PTPRJ: variants seen among roughly 807,000 people sequenced by gnomAD.
The protein encoded by PTPRJ is receptor-type tyrosine-protein phosphatase eta.
Under a neutral mutation model 141.3 loss-of-function variants are expected in PTPRJ, and 129 were observed. That is an observed-to-expected ratio of 0.91 (90% CI 0.79 to 1.06). The LOEUF is 1.06. Among genes scored for constraint, PTPRJ ranks in the 50% least tolerant of loss-of-function variants. The probability of loss-of-function intolerance (pLI) is 0.00; values close to 1 mark genes in which losing one functional copy is unlikely to be tolerated. For synonymous variants in PTPRJ, 610 were observed against 640.5 expected (o/e 0.95, Z 0.72); for missense variants, 1,601 against 1,679.7 (o/e 0.95, Z 0.82).
intron 1 of PTPRJ, among the ~76,000 whole-genome samples, chr11:47,991,176 C>T (rs548738129): frequency 9.9e-5 from 15 of 152,160 alleles, no homozygotes; most frequent in African/African-American, 3.4e-4. Context: ...TTTTGACAAA[C>T]GTGCATAGTT....
chr11:47,981,157 C>A, intron 1 of PTPRJ, 149 bp downstream of exon 1: 7 of 821,494 alleles, frequency 8.5e-6, no homozygotes, highest in Middle Eastern at 4.6e-4. Flanking sequence ...CTTGCGGGGA[C>A]CCCGGCCGGC....
intron 1 of PTPRJ, among the ~76,000 whole-genome samples, chr11:48,026,532 A>C (rs147320338): frequency 5.4e-4 from 80 of 148,206 alleles, no homozygotes; most frequent in Middle Eastern, 3.5e-3. Context: ...CCCAGGCTGG[A>C]GTGCAATGGT....
In PTPRJ at chr11:48,040,609, C is replaced by CTTTTTT. The variant is rs371103069; in HGVS notation, c.96+59603_96+59604insTTTTTT. On this transcript the variant is annotated intron_variant, in intron 1 of 24. Transcript: ENST00000418331. ...TCTTACTTTCTTTCTTCTTCTTCTT[C>CTTTTTT]TTCTTTTTTTTTTTTTTTTGAGACG... Among the ~76,000 whole-genome samples, 44 of 146,064 alleles carry CTTTTTT rather than the reference C, an allele frequency of 3.0e-4. 1 individual carries two copies. Among genetic ancestry groups the CTTTTTT allele is most frequent in the African/African-American group, 1.2e-3 (44 of 36,898 alleles).
At chr11:48,089,738 A>G (rs1855818047) in intron 1 of PTPRJ, among the ~76,000 whole-genome samples, 1 of 152,188 alleles carries the variant, frequency 6.6e-6, no homozygotes, top group Non-Finnish European at 1.5e-5. Flanking sequence ...AATGCTTAGC[A>G]AGGTGCTTGG....
At chr11:48,115,337 C>G (rs1378240918) in intron 3 of PTPRJ, among the ~76,000 whole-genome samples, 1 of 152,166 alleles carries the variant, frequency 6.6e-6, no homozygotes, top group African/African-American at 2.4e-5. Flanking sequence ...GGGAGCTCCA[C>G]TTCAGCTAGC....
chr11:48,041,228 AC>A (rs2134236362), intron 1 of PTPRJ, among the ~76,000 whole-genome samples: 2 of 151,962 alleles, frequency 1.3e-5, no homozygotes, highest in East Asian at 3.9e-4. Flanking sequence ...AATGCTTAGC[AC>A]CCAGCAGGGG....
chr11:48,037,465 A>G (rs1854156850), intron 1 of PTPRJ, among the ~76,000 whole-genome samples: 1 of 152,160 alleles, frequency 6.6e-6, no homozygotes, highest in Admixed American at 6.5e-5. Context: ...CAGAATACCT[A>G]CTGATAATCC....
intron 2 of PTPRJ, among the ~76,000 whole-genome samples, chr11:48,111,047 C>T (rs1027528018): frequency 6.6e-6 from 1 of 152,134 alleles, no homozygotes; most frequent in Non-Finnish European, 1.5e-5. Flanking sequence ...GAGGCTGAGG[C>T]AGGTGGATCA....
At chr11:48,131,522 C>T in intron 8 of PTPRJ, 2 of 776,460 alleles carry the variant, frequency 2.6e-6, no homozygotes, top group Non-Finnish European at 4.8e-6. Context: ...ATGATTTGAA[C>T]ACCTGCCTGG....
intron 1 of PTPRJ, among the ~76,000 whole-genome samples, chr11:48,101,429 G>A (rs1043066233): frequency 7.9e-5 from 12 of 152,202 alleles, no homozygotes; most frequent in African/African-American, 2.7e-4. Context: ...AGATAGTTCC[G>A]TGAGAAGCAT....
chr11:48,064,051 G>T (rs921686502), intron 1 of PTPRJ, among the ~76,000 whole-genome samples: 1 of 151,924 alleles, frequency 6.6e-6, no homozygotes, highest in Admixed American at 6.6e-5. Context: ...TCTCAAGTGG[G>T]TGCCTAAAGT....
intron 3 of PTPRJ, 143 bp from the exon 4 acceptor site, chr11:48,120,860 G>T: frequency 1.4e-6 from 1 of 707,510 alleles, no homozygotes. Flanking sequence ...AATAAATTCT[G>T]GTGCAGGGAA....
chr11:48,004,210 G>A (rs1339041439), intron 1 of PTPRJ, among the ~76,000 whole-genome samples: 1 of 152,238 alleles, frequency 6.6e-6, no homozygotes, highest in Non-Finnish European at 1.5e-5. Flanking sequence ...TAGGAAGGCA[G>A]TGTGTGCTAG....
At chr11:48,092,325 A>G (rs1855891727) in intron 1 of PTPRJ, among the ~76,000 whole-genome samples, 1 of 148,774 alleles carries the variant, frequency 6.7e-6, no homozygotes, top group Admixed American at 6.7e-5. Context: ...AAAGAAAAAG[A>G]AAAAAAGAAA....
chr11:47,985,144 C>T (rs1264535076), intron 1 of PTPRJ, among the ~76,000 whole-genome samples: 1 of 151,974 alleles, frequency 6.6e-6, no homozygotes, highest in African/African-American at 2.4e-5. Flanking sequence ...AGCCACCGTG[C>T]CCGGCCTGTT....
intron 1 of PTPRJ, among the ~76,000 whole-genome samples, chr11:48,102,299 C>T (rs1390013407): frequency 4.6e-5 from 7 of 152,170 alleles, no homozygotes; most frequent in African/African-American, 1.4e-4. Context: ...CACTTCCCCC[C>T]GGGAAGCGAG....
Position 48,110,794 on chromosome 11 carries a change from G to A in PTPRJ, c.115+718G>A, listed in dbSNP as rs142417148. Among the ~76,000 whole-genome samples, 849 of 152,284 alleles carry A rather than the reference G, an allele frequency of 5.6e-3. 12 individuals are homozygous for A. The highest frequency in any genetic ancestry group is 0.02 in the African/African-American group (822 of 41,556). On this transcript the variant is annotated intron_variant, in intron 2 of 24. Transcript: ENST00000418331. ...TTTGGAAAATGAGACCTGGACTCCC[G>A]CATGTTTTGCTTTCATGCACAGGGC...
At chr11:48,118,192 T>C (rs1379404231) in intron 3 of PTPRJ, among the ~76,000 whole-genome samples, 1 of 152,210 alleles carries the variant, frequency 6.6e-6, no homozygotes, top group Non-Finnish European at 1.5e-5. Flanking sequence ...AAATGATCCT[T>C]CTGCCTTAGC....
At chr11:48,104,532 G>A (rs184939762) in intron 1 of PTPRJ, among the ~76,000 whole-genome samples, 3 of 152,292 alleles carry the variant, frequency 2.0e-5, no homozygotes, top group African/African-American at 7.2e-5. Flanking sequence ...AGGATAAAGA[G>A]TCTATTGTTA....
Sources: allele counts gnomAD v4.1 joint callset (sites outside exome capture counted in the v4.1 genomes callset), GRCh38; gene constraint gnomAD v4.1.1; transcripts MANE v1.5; gene names NCBI Gene and HGNC (gene_info 2026-07-23, HGNC 2026-07-21).